Variants in RYK observed in about 807,000 individuals in gnomAD.
RYK encodes the protein inactive tyrosine-protein kinase RYK.
RYK carries 21 observed loss-of-function variants against 70.2 expected under a neutral mutation model. That is an observed-to-expected ratio of 0.30 (90% confidence interval 0.21 to 0.43). RYK has a LOEUF of 0.43. Among genes scored for constraint, RYK ranks in the 20% least tolerant of loss-of-function variants. The pLI is 1.00. For missense variants in RYK, 604 were observed against 753.3 expected (o/e 0.80, Z 2.32); for synonymous variants, 267 against 278.0 (o/e 0.96, Z 0.39).
At chr3:134,206,188 T>C (rs1274487979) in intron 5 of RYK, among the ~76,000 whole-genome samples, 3 of 152,156 alleles carry the variant, frequency 2.0e-5, no homozygotes, top group African/African-American at 7.2e-5. Context: ...CTTTGGGACA[T>C]CCAGATACTC....
rs377314618 is a variant in RYK, at chr3:134,159,214, C to A, written c.1712+23G>T. ...TATAGTAAATGGAATAAAACTCATG[C>A]CTTCAAGCTCAAAAAAACTCACAAT... On this transcript the variant is annotated intron_variant, in intron 14 of 14. Transcript: ENST00000623711. The A allele has an allele frequency of 3.7e-5, 60 of 1,612,776 alleles. No homozygotes were observed. In the African/African-American group the frequency reaches 6.5e-4, roughly 18 times the overall value.
Position 134,250,427 on chromosome 3 carries a change from C to G in RYK, c.228G>C (p.Leu76=), listed in dbSNP as rs2015583802. 2 of 1,401,638 alleles carry G rather than the reference C, an allele frequency of 1.4e-6. No individual in the cohort carries two copies. Among genetic ancestry groups the G allele is most frequent in the Non-Finnish European group, 1.9e-6 (2 of 1,075,366 alleles). The allele number at this position is 1,401,638 out of a possible 1,614,324, so 86.8% of individuals were successfully genotyped here. A position where few individuals can be genotyped will look rare whatever the true frequency, so the allele number is the denominator to read the frequency against. The change falls in exon 1 of 15, where the codon CTG becomes CTC. Residue 76 remains leucine, a synonymous_variant. Transcript: ENST00000623711. ...GGCCTCGGCGGCCCCACTCACCGAT[C>G]AGCCGGCGCACCTCGTCCTCGCTCA... ...LYLSEDEVRR[L]IGLDAELYYV...
At chr3:134,198,187 A>C (rs1485784351) in intron 6 of RYK, among the ~76,000 whole-genome samples, 1 of 152,232 alleles carries the variant, frequency 6.6e-6, no homozygotes. Context: ...TAAATTATCA[A>C]TCTAAATAGA....
chr3:134,236,501 C>A (rs111236430), intron 1 of RYK, among the ~76,000 whole-genome samples: 130 of 152,230 alleles, frequency 8.5e-4, no homozygotes, highest in African/African-American at 3.0e-3. Context: ...ACAATACTAC[C>A]CAAGTGAGCT....
chr3:134,194,948 G>A, intron 7 of RYK, 134 bp downstream of exon 7: 1 of 612,234 alleles, frequency 1.6e-6, no homozygotes, highest in Non-Finnish European at 2.9e-6. Context: ...AAAAGTTGAA[G>A]AGCATACCTA....
chr3:134,182,983 T>C lies in RYK; in HGVS notation c.1172+19A>G. The C allele has an allele frequency of 6.5e-7, 1 of 1,537,850 alleles. No homozygotes were observed. The highest frequency in any genetic ancestry group is 1.4e-5 in the African/African-American group (1 of 73,348). On this transcript the variant is annotated intron_variant, in intron 10 of 14. Transcript: ENST00000623711. ...GTTGCCATGCTCAACACTGAAATGC[T>C]GGTGGTTTCTCCTCTCACCTGTGAT...
At chr3:134,197,590 ACT>A (rs1019652107) in intron 6 of RYK, among the ~76,000 whole-genome samples, 3 of 152,184 alleles carry the variant, frequency 2.0e-5, no homozygotes, top group East Asian at 3.8e-4. Flanking sequence ...GGATTACAGG[ACT>A]CTGTTTTACA....
intron 2 of RYK, among the ~76,000 whole-genome samples, chr3:134,213,099 G>C (rs1035928671): frequency 6.6e-6 from 1 of 152,168 alleles, no homozygotes; most frequent in African/African-American, 2.4e-5. Flanking sequence ...GGGGGTGCTA[G>C]AGAGCCACAG....
chr3:134,202,598 A>G, intron 6 of RYK, 132 bp downstream of exon 6: 1 of 657,094 alleles, frequency 1.5e-6, no homozygotes, highest in South Asian at 2.3e-5. Flanking sequence ...AGGTCATCTT[A>G]TTTTTCCTTT....
intron 13 of RYK, among the ~76,000 whole-genome samples, chr3:134,164,740 T>C (rs566504740): frequency 6.6e-6 from 1 of 152,388 alleles, no homozygotes; most frequent in East Asian, 1.9e-4. Flanking sequence ...GAACATGTTT[T>C]CATTTATCTA....
intron 3 of RYK, among the ~76,000 whole-genome samples, chr3:134,211,118 A>C (rs1247892564): frequency 2.0e-5 from 3 of 152,182 alleles, no homozygotes; most frequent in Non-Finnish European, 4.4e-5. Flanking sequence ...TGAGTCTGGA[A>C]TGTTCAGTTG....
intron 6 of RYK, chr3:134,202,477 T>C (rs908656961): frequency 1.0e-5 from 4 of 401,110 alleles, no homozygotes; most frequent in Admixed American, 4.6e-5. Flanking sequence ...TCAAAGGGAA[T>C]AGAAAAAACT....
At position 134,172,808 on chromosome 3, in the gene RYK, T is replaced by C. The variant is rs536267111; in HGVS notation, c.1575+2801A>G. Among the ~76,000 whole-genome samples the C allele has an allele frequency of 2.6e-5, 4 of 152,312 alleles. No homozygotes were observed. In the South Asian group the frequency reaches 8.3e-4, roughly 32 times the overall value. ...CTCTGGAAAAACAGACCAGGACTAG[T>C]ACCCCACTGCTCTATAAGCTGAACC... On this transcript the variant is annotated intron_variant, in intron 13 of 14. Coordinates refer to ENST00000623711, the MANE Select transcript of RYK (RefSeq NM_002958.4).
At chr3:134,221,768 GA>G (rs1021484420) in intron 2 of RYK, among the ~76,000 whole-genome samples, 3 of 152,076 alleles carry the variant, frequency 2.0e-5, no homozygotes, top group African/African-American at 7.2e-5. Context: ...GCTGATAAAA[GA>G]AACTGAAGTT....
At chr3:134,175,042 T>C (rs1464203753) in intron 13 of RYK, among the ~76,000 whole-genome samples, 8 of 152,200 alleles carry the variant, frequency 5.3e-5, no homozygotes, top group Non-Finnish European at 1.0e-4. Context: ...CTAGTGTTAA[T>C]AGTGCTTCTG....
At chr3:134,244,943 C>T (rs906308198) in intron 1 of RYK, among the ~76,000 whole-genome samples, 2 of 152,182 alleles carry the variant, frequency 1.3e-5, no homozygotes, top group African/African-American at 4.8e-5. Flanking sequence ...CATGTGAGAA[C>T]ACAGGGAGAA....
intron 6 of RYK, 198 bp downstream of exon 6, chr3:134,202,532 G>A (rs1290107440): frequency 5.9e-6 from 3 of 505,968 alleles, no homozygotes; most frequent in African/African-American, 4.0e-5. Context: ...ACTAATTTCT[G>A]ACTTCTTAAT....
In RYK at chr3:134,250,572, G is replaced by A. The variant is rs1317042228; in HGVS notation, c.83C>T (p.Pro28Leu). 217 of 891,108 alleles carry A rather than the reference G, an allele frequency of 2.4e-4. 1 individual carries two copies. The Middle Eastern group carries it at 3.7e-3, about 15-fold the overall frequency. 55.2% of individuals were successfully genotyped at this position (891,108 alleles called of 1,614,324 possible). ...CAACAGCGCAAGCAGAAGCAGCAGC[G>A]GCGGCGGCGGCGGGGCCCTCAGGCC... ...ARGLRAPPPP[P>L]LLLLLALLPL... Residue 28 changes from proline (P) to leucine (L), a missense_variant, in exon 1 of 15, where the codon CCG becomes CTG. Pro to Leu is a moderately conservative substitution (Grantham distance 98, BLOSUM62 -3). This residue lies in a region of RYK where 466 missense variants were observed against 535.9 expected (regional missense o/e 0.87). Transcript: ENST00000623711.
At chr3:134,199,797 C>T (rs555664025) in intron 6 of RYK, among the ~76,000 whole-genome samples, 1 of 152,170 alleles carries the variant, frequency 6.6e-6, no homozygotes, top group Non-Finnish European at 1.5e-5. Context: ...GGCTGGGCTT[C>T]TGGGTCGGGT....
Sources: allele counts gnomAD v4.1 joint callset (sites outside exome capture counted in the v4.1 genomes callset), GRCh38; gene constraint gnomAD v4.1.1; regional missense constraint gnomAD v4.1.1; transcripts MANE v1.5; gene names NCBI Gene and HGNC (gene_info 2026-07-23, HGNC 2026-07-21).